Variants in CRPPA observed in about 807,000 individuals in gnomAD.
CRPPA encodes CDP-L-ribitol pyrophosphorylase A, also known as D-ribitol-5-phosphate cytidylyltransferase.
CRPPA carries 43 observed loss-of-function variants against 52.0 expected under a neutral mutation model. The ratio of observed to expected loss-of-function variants is 0.83; its 90% CI spans 0.65 to 1.07. The LOEUF (loss-of-function observed/expected upper bound fraction) is 1.07, where lower values mean the gene tolerates loss of function less well. Among genes scored for constraint, CRPPA ranks in the 50% least tolerant of loss-of-function variants. The pLI is 0.00. For synonymous variants in CRPPA, 250 were observed against 203.5 expected, an observed-to-expected ratio of 1.23 and a Z score of -1.94; for missense variants, 629 against 551.7, an observed-to-expected ratio of 1.14 and a Z score of -1.40.
chr7:16,202,403 C>T (rs1781880519), intron 9 of CRPPA, among the ~76,000 whole-genome samples: 1 of 152,068 alleles, frequency 6.6e-6, no homozygotes, highest in Admixed American at 6.6e-5. Flanking sequence ...TCTATGATGT[C>T]CTTATACAGC....
intron 3 of CRPPA, among the ~76,000 whole-genome samples, chr7:16,312,576 T>C (rs1031885400): frequency 5.3e-5 from 8 of 151,956 alleles, no homozygotes; most frequent in African/African-American, 1.9e-4. Flanking sequence ...CCAATCACAA[T>C]ACTTAGTTCA....
rs566826678 is a variant in CRPPA, at chr7:16,287,385, C to T, written c.836-9159G>A. Among the ~76,000 whole-genome samples the T allele has an allele frequency of 1.4e-4, 21 of 152,284 alleles. No individual in the cohort carries two copies. The South Asian group carries it at 3.9e-3, about 29-fold the overall frequency. ...AACTCTGCTTATGATTTCTCAGTAT[C>T]ATCCCAAGCTTTGGAACACAGTACC... On this transcript the variant is annotated intron_variant, in intron 5 of 9. Coordinates refer to ENST00000407010, the MANE Select transcript of CRPPA (RefSeq NM_001101426.4).
intron 2 of CRPPA, among the ~76,000 whole-genome samples, chr7:16,397,729 C>T (rs1462473197): frequency 6.6e-6 from 1 of 152,216 alleles, no homozygotes; most frequent in African/African-American, 2.4e-5. Context: ...ACGTTTGAGA[C>T]ATGTGACTGA....
intron 9 of CRPPA, among the ~76,000 whole-genome samples, chr7:16,128,977 A>AG (rs1782632487): frequency 6.6e-6 from 1 of 152,216 alleles, no homozygotes; most frequent in Non-Finnish European, 1.5e-5. Flanking sequence ...CAAACAAGAA[A>AG]TGTTGGTATG....
At chr7:16,166,957 C>A (rs1297296118) in intron 9 of CRPPA, among the ~76,000 whole-genome samples, 1 of 147,624 alleles carries the variant, frequency 6.8e-6, no homozygotes, top group African/African-American at 2.5e-5. Context: ...GAGATGGAGT[C>A]TCGTGCTTTC....
rs367803925 is a variant in CRPPA, at chr7:16,134,482, G to A, written c.1252-42683C>T. Among the ~76,000 whole-genome samples, 75 of 152,244 alleles carry A rather than the reference G, an allele frequency of 4.9e-4. 1 individual carries two copies. Among genetic ancestry groups the A allele is most frequent in the African/African-American group, 1.7e-3 (71 of 41,534 alleles). On this transcript the variant is annotated intron_variant, in intron 9 of 9. Coordinates refer to ENST00000407010, the MANE Select transcript of CRPPA (RefSeq NM_001101426.4). ...GGTGACAAAAAGGTTGGGGATTGCT[G>A]GCATACAAAATATGTATTAATCAAT...
chr7:16,199,850 TTTTC>T (rs1354158876), intron 9 of CRPPA, among the ~76,000 whole-genome samples: 19 of 149,688 alleles, frequency 1.3e-4, no homozygotes, highest in Non-Finnish European at 5.9e-5. Flanking sequence ...TCTGTAAGCT[TTTTC>T]TTTTTTTTTT....
chr7:16,264,634 A>G (rs901611647), intron 6 of CRPPA, among the ~76,000 whole-genome samples: 1 of 152,246 alleles, frequency 6.6e-6, no homozygotes, highest in South Asian at 2.1e-4. Context: ...ATCTTTTTAC[A>G]GAAAACGTTG....
intron 6 of CRPPA, among the ~76,000 whole-genome samples, chr7:16,270,976 C>A (rs1583483126): frequency 6.6e-6 from 1 of 151,592 alleles, no homozygotes; most frequent in East Asian, 1.9e-4. Context: ...TGGATCCATA[C>A]ACTGGACACA....
At chr7:16,341,887 C>T (rs564501775) in intron 3 of CRPPA, among the ~76,000 whole-genome samples, 2 of 152,264 alleles carry the variant, frequency 1.3e-5, no homozygotes, top group East Asian at 3.9e-4. Flanking sequence ...TAACTTCCCT[C>T]CCTTTCCTTG....
At chr7:16,112,828 T>A (rs1782294431) in intron 9 of CRPPA, among the ~76,000 whole-genome samples, 1 of 152,106 alleles carries the variant, frequency 6.6e-6, no homozygotes, top group African/African-American at 2.4e-5. Context: ...TTCAGGAACT[T>A]ACCTGATGCC....
rs374047165 is a variant in CRPPA at position 16,216,214 on chromosome 7, A to G, written c.1120-17T>C. 13 of 1,515,282 alleles carry G rather than the reference A, an allele frequency of 8.6e-6. No homozygotes were observed. The highest frequency in any genetic ancestry group is 1.4e-5 in the African/African-American group (1 of 71,742). 93.9% of individuals were successfully genotyped at this position (1,515,282 alleles called of 1,614,324 possible). Reference sequence around the variant, plus strand: ...AAAATGAACCTGCAAAATATAAAAGACAGTATTTAGAATATCATTCCCTTC... The same window carrying G: ...AAAATGAACCTGCAAAATATAAAAGGCAGTATTTAGAATATCATTCCCTTC... On this transcript the variant is annotated splice_polypyrimidine_tract_variant and intron_variant, in intron 8 of 9. Coordinates refer to ENST00000407010, the MANE Select transcript of CRPPA (RefSeq NM_001101426.4).
intron 8 of CRPPA, among the ~76,000 whole-genome samples, chr7:16,244,731 C>T (rs560886564): frequency 1.4e-4 from 22 of 152,134 alleles, no homozygotes; most frequent in African/African-American, 5.1e-4. Flanking sequence ...GTCTAATAGC[C>T]ACAATTTTAC....
At chr7:16,350,317 C>G (rs1391024123) in intron 3 of CRPPA, among the ~76,000 whole-genome samples, 2 of 152,058 alleles carry the variant, frequency 1.3e-5, no homozygotes, top group African/African-American at 2.4e-5. Context: ...ATAAAACTCA[C>G]TGGTAGAAGT....
At chr7:16,402,180 T>C (rs1473233134) in intron 2 of CRPPA, among the ~76,000 whole-genome samples, 1 of 152,178 alleles carries the variant, frequency 6.6e-6, no homozygotes, top group Non-Finnish European at 1.5e-5. Context: ...CAAGCAAAAT[T>C]ATCTTGGCTT....
At chr7:16,100,069 T>A (rs1481737588) in intron 9 of CRPPA, among the ~76,000 whole-genome samples, 1 of 152,190 alleles carries the variant, frequency 6.6e-6, no homozygotes, top group Non-Finnish European at 1.5e-5. Flanking sequence ...CAGCTACTCC[T>A]GTTAGCTTTC....
intron 2 of CRPPA, among the ~76,000 whole-genome samples, chr7:16,381,413 A>C (rs1217224659): frequency 2.0e-5 from 3 of 152,016 alleles, no homozygotes; most frequent in East Asian, 3.9e-4. Flanking sequence ...ACTTCCAACT[A>C]TGTGGTCAAT....
intron 5 of CRPPA, among the ~76,000 whole-genome samples, chr7:16,286,064 T>TAATATTTAAAAAAA (rs1562608511): frequency 3.4e-5 from 1 of 29,770 alleles, no homozygotes; most frequent in African/African-American, 2.1e-4. Flanking sequence ...TATATATATA[T>TAATATTTAAAAAAA]ATATATATAT....
intron 9 of CRPPA, among the ~76,000 whole-genome samples, chr7:16,161,121 A>G (rs933560255): frequency 3.9e-5 from 6 of 152,178 alleles, no homozygotes; most frequent in Non-Finnish European, 8.8e-5. Flanking sequence ...CAATCATGTC[A>G]TCTACAAACA....
Sources: allele counts gnomAD v4.1 joint callset (sites outside exome capture counted in the v4.1 genomes callset), GRCh38; gene constraint gnomAD v4.1.1; transcripts MANE v1.5; gene names NCBI Gene and HGNC (gene_info 2026-07-23, HGNC 2026-07-21).